ROBO2: variants seen among roughly 807,000 people sequenced by gnomAD.
ROBO2 encodes roundabout homolog 2.
ROBO2 carries 53 observed loss-of-function variants against 160.8 expected under a neutral mutation model. That is an observed-to-expected ratio of 0.33 (90% CI 0.26 to 0.41). The LOEUF is 0.41. Among genes scored for constraint, ROBO2 ranks in the 10% least tolerant of loss-of-function variants. The probability of loss-of-function intolerance (pLI) is 1.00; values close to 1 mark genes in which losing one functional copy is unlikely to be tolerated. For missense variants in ROBO2, 1,577 were observed against 1,722.4 expected (o/e 0.92, Z 1.49); for synonymous variants, 664 against 611.7 (o/e 1.09, Z -1.26).
chr3:77,417,742 TTCTTGTACTCAG>T (rs950313022), intron 2 of ROBO2, among the ~76,000 whole-genome samples: 2 of 152,128 alleles, frequency 1.3e-5, no homozygotes, highest in Non-Finnish European at 1.5e-5. Flanking sequence ...TGTCATAGTG[TTCTTGTACTCAG>T]CAATGTTATC....
At chr3:77,582,390 T>C (rs986006765) in intron 16 of ROBO2, among the ~76,000 whole-genome samples, 1 of 152,156 alleles carries the variant, frequency 6.6e-6, no homozygotes, top group African/African-American at 2.4e-5. Context: ...TAGCCAGTCT[T>C]GTTTTTTTTT....
Position 77,359,799 on chromosome 3 carries a change from C to T in ROBO2, c.389-117615C>T, listed in dbSNP as rs563373837. Among the ~76,000 whole-genome samples, 16 of 152,278 alleles carry T rather than the reference C, an allele frequency of 1.1e-4. No individual in the cohort carries two copies. The South Asian group carries it at 2.5e-3, about 24-fold the overall frequency. ...GCTCAAGTGATCCTCTCACCTCAGC[C>T]TCCCAAGTAGCTGGGACTGCAGACA... is the stretch of plus-strand genomic sequence containing the variant. On this transcript the variant is annotated intron_variant, in intron 2 of 25. Transcript: ENST00000461745.
chr3:76,749,862 A>C (rs901909441), intron 2 of ROBO2, among the ~76,000 whole-genome samples: 1 of 152,116 alleles, frequency 6.6e-6, no homozygotes, highest in Non-Finnish European at 1.5e-5. Flanking sequence ...GAATTCTACC[A>C]GAGGTGCAAA....
intron 23 of ROBO2, chr3:77,632,759 G>A (rs1016988288): frequency 1.9e-6 from 2 of 1,072,598 alleles, no homozygotes; most frequent in South Asian, 1.8e-5. Flanking sequence ...TGACTGTAGG[G>A]CTTTCTTTAA....
intron 2 of ROBO2, among the ~76,000 whole-genome samples, chr3:77,218,430 A>C (rs1367094846): frequency 6.7e-6 from 1 of 149,166 alleles, no homozygotes; most frequent in Admixed American, 6.8e-5. Flanking sequence ...GCTTGAGTGC[A>C]GTGGCGTGAT....
chr3:76,799,041 C>CAT (rs2063992707), intron 2 of ROBO2, among the ~76,000 whole-genome samples: 1 of 151,910 alleles, frequency 6.6e-6, no homozygotes, highest in South Asian at 2.1e-4. Context: ...GGTGAAACCC[C>CAT]GTCTCTACTA....
chr3:76,839,684 A>T (rs2068045608), intron 2 of ROBO2, among the ~76,000 whole-genome samples: 1 of 152,188 alleles, frequency 6.6e-6, no homozygotes, highest in Admixed American at 6.5e-5. Context: ...GCATTGTAGA[A>T]TGAGTTTAGG....
rs1491215318 is a variant in ROBO2 at position 76,493,364 on chromosome 3, T to TATATATATATAA, written c.109+555763_109+555764insTATATATATAAA. The stretch of plus-strand genomic sequence containing the variant: ...ATATATATATATATATATATATATA[T>TATATATATATAA]AATTGTATATACATGTACAAAAAAG... On this transcript the variant is annotated intron_variant, in intron 2 of 26. Transcript: ENST00000487694. 1.9e-3 allele frequency among the ~76,000 whole-genome samples: 258 copies of TATATATATATAA among 136,722 alleles called. 4 individuals carry two copies. Among genetic ancestry groups the TATATATATATAA allele is most frequent in the African/African-American group, 6.2e-3 (231 of 37,180 alleles). 89.7% of individuals were successfully genotyped at this position (136,722 alleles called of 152,430 possible).
chr3:76,748,503 A>G (rs2093929034), intron 2 of ROBO2, among the ~76,000 whole-genome samples: 1 of 151,750 alleles, frequency 6.6e-6, no homozygotes, highest in South Asian at 2.1e-4. Context: ...CCTGATGTAT[A>G]AAAAGTTTTA....
At chr3:76,311,112 G>A (rs925016405) in intron 2 of ROBO2, 1 of 152,204 alleles carries the variant, frequency 6.6e-6, no homozygotes, top group Non-Finnish European at 1.5e-5. Context: ...GTACTGAGGA[G>A]AAGGAGCCGG....
At chr3:76,512,674 C>T (rs1184090464) in intron 2 of ROBO2, among the ~76,000 whole-genome samples, 1 of 152,110 alleles carries the variant, frequency 6.6e-6, no homozygotes, top group African/African-American at 2.4e-5. Flanking sequence ...AATGTACACA[C>T]ACTTTCTTTC....
At chr3:76,911,275 T>G (rs1015386571) in intron 2 of ROBO2, among the ~76,000 whole-genome samples, 1 of 152,216 alleles carries the variant, frequency 6.6e-6, no homozygotes, top group Non-Finnish European at 1.5e-5. Context: ...ACATAACCTT[T>G]CCTTTTTACC....
intron 2 of ROBO2, among the ~76,000 whole-genome samples, chr3:76,097,732 A>C (rs1479784158): frequency 6.6e-6 from 1 of 152,176 alleles, no homozygotes; most frequent in Non-Finnish European, 1.5e-5. Context: ...CACATACACA[A>C]GTCCATGCAA....
rs542672752 is a variant in ROBO2 at position 76,980,165 on chromosome 3, G to A, written c.110-117849G>A. On this transcript the variant is annotated intron_variant, in intron 2 of 26. Transcript: ENST00000487694. ...CTATCTTATTCCATTGGCCATTCTC[G>A]GCTGCTTTTTGTTTATTAAGGCTGC... Among the ~76,000 whole-genome samples the A allele has an allele frequency of 1.2e-4, 19 of 152,228 alleles. 1 individual carries two copies. Among genetic ancestry groups the A allele is most frequent in the Admixed American group, 2.6e-4 (4 of 15,288 alleles).
At chr3:76,874,415 G>A (rs1189031289) in intron 2 of ROBO2, among the ~76,000 whole-genome samples, 1 of 151,986 alleles carries the variant, frequency 6.6e-6, no homozygotes, top group African/African-American at 2.4e-5. Flanking sequence ...AAAATCTAAG[G>A]GTGCTCTTGC....
intron 2 of ROBO2, among the ~76,000 whole-genome samples, chr3:76,064,176 A>G (rs1316658806): frequency 1.3e-5 from 2 of 152,184 alleles, no homozygotes; most frequent in African/African-American, 4.8e-5. Flanking sequence ...CCCAGAGCAG[A>G]GGATCCAGTT....
At chr3:77,359,071 T>C (rs1284851611) in intron 2 of ROBO2, among the ~76,000 whole-genome samples, 1 of 152,252 alleles carries the variant, frequency 6.6e-6, no homozygotes, top group African/African-American at 2.4e-5. Flanking sequence ...TTTCTCACCC[T>C]GACTTCCTGT....
At chr3:76,594,016 A>C (rs2086586595) in intron 2 of ROBO2, among the ~76,000 whole-genome samples, 1 of 152,048 alleles carries the variant, frequency 6.6e-6, no homozygotes, top group South Asian at 2.1e-4. Flanking sequence ...TTATCATAAA[A>C]GAAAGTATGT....
intron 2 of ROBO2, among the ~76,000 whole-genome samples, chr3:77,415,209 G>C (rs2077116336): frequency 6.6e-6 from 1 of 152,326 alleles, no homozygotes; most frequent in Middle Eastern, 3.4e-3. Flanking sequence ...CTTTGTCTGG[G>C]AGGTGTAGAG....
Sources: gnomAD v4.1 joint callset for allele counts (sites outside exome capture counted in the v4.1 genomes callset) on GRCh38, gnomAD v4.1.1 for gene constraint, MANE v1.5 for transcripts, NCBI Gene and HGNC (gene_info 2026-07-23, HGNC 2026-07-21) for gene names.